NDUFAF6: variants seen among roughly 807,000 people sequenced by gnomAD.
NDUFAF6 encodes the protein NADH:ubiquinone oxidoreductase complex assembly factor 6.
A neutral mutation model predicts 40.8 loss-of-function variants in NDUFAF6; 45 were observed. The observed-to-expected ratio is 1.10, with a 90% CI of 0.87 to 1.42. The LOEUF (loss-of-function observed/expected upper bound fraction) is 1.42, where lower values mean the gene tolerates loss of function less well. Among genes scored for constraint, NDUFAF6 ranks in the 40% most tolerant of loss-of-function variants. The pLI is 0.00. For missense variants in NDUFAF6, 435 were observed against 418.5 expected (o/e 1.04, Z -0.34); for synonymous variants, 185 against 155.9 (o/e 1.19, Z -1.39).
chr8:95,028,310 A>G (rs1223605801), intron 1 of NDUFAF6, among the ~76,000 whole-genome samples: 1 of 152,232 alleles, frequency 6.6e-6, no homozygotes, highest in Non-Finnish European at 1.5e-5. Flanking sequence ...CATCCGTAAT[A>G]TGGCATTTCT....
At chr8:94,955,636 A>G (rs778040223), upstream of NDUFAF6, among the ~76,000 whole-genome samples, 3 of 152,266 alleles carry the variant, frequency 2.0e-5, no homozygotes, top group Admixed American at 6.5e-5. Flanking sequence ...CCCCAAATAG[A>G]TTAAAAGGAA....
Position 94,985,596 on chromosome 8 carries a change from T to C in NDUFAF6, c.-84+4623T>C, listed in dbSNP as rs576655603. On this transcript the variant is annotated intron_variant, in intron 2 of 9. Coordinates refer to the NDUFAF6 transcript ENST00000396111. ...TGTCGCCCAGGCTGGAGTGCAATGG[T>C]GCAATCTCAGCTCACTGCAACCTCC... is the stretch of plus-strand genomic sequence containing the variant. Among the ~76,000 whole-genome samples, 1,188 of 120,396 alleles carry C rather than the reference T, an allele frequency of 9.9e-3. 20 individuals are homozygous for C. The highest frequency in any genetic ancestry group is 0.036 in the African/African-American group (1,133 of 31,872). The allele number at this position is 120,396 out of a possible 152,430, so 79.0% of individuals were successfully genotyped here.
intron 2 of NDUFAF6, among the ~76,000 whole-genome samples, chr8:94,996,030 G>A (rs764955886): frequency 1.3e-5 from 2 of 152,070 alleles, no homozygotes; most frequent in African/African-American, 2.4e-5. Context: ...CATCCACCTC[G>A]GCCTCCCAAA....
At chr8:94,953,096 C>G (rs1204370765), upstream of NDUFAF6, among the ~76,000 whole-genome samples, 4 of 152,126 alleles carry the variant, frequency 2.6e-5, no homozygotes, top group African/African-American at 7.2e-5. Flanking sequence ...GCCTGTAATC[C>G]CAGCACTTTG....
chr8:94,960,448 C>G (rs181032104), intron 1 of NDUFAF6, among the ~76,000 whole-genome samples: 7 of 152,146 alleles, frequency 4.6e-5, no homozygotes, highest in Non-Finnish European at 1.0e-4. Context: ...TAAGTTCATC[C>G]GGTGGAAACT....
At chr8:94,930,262 T>TG in intron 1 of NDUFAF6, 1 of 579,050 alleles carries the variant, frequency 1.7e-6, no homozygotes, top group African/African-American at 1.9e-5. Context: ...AGAAATAATC[T>TG]GAAAAAGTGT....
chr8:95,035,577 G>C lies in NDUFAF6; in HGVS notation c.420+1G>C. ...GCCTGTGGCCATTGAACTATGGAAG[G>C]TAAAAAAAAAAAAATACCACTTTTA... On this transcript the variant is annotated splice_donor_variant, in intron 3 of 8. Transcript: ENST00000396124. LOFTEE classifies it high-confidence loss of function. The C allele has an allele frequency of 1.4e-6, 2 of 1,399,044 alleles. No homozygotes were observed. The highest frequency in any genetic ancestry group is 1.9e-6 in the Non-Finnish European group (2 of 1,063,230). 86.7% of individuals were successfully genotyped at this position (1,399,044 alleles called of 1,614,324 possible). A position where few individuals can be genotyped will look rare whatever the true frequency, so the allele number is the denominator to read the frequency against.
rs145293624 is a variant in NDUFAF6 at position 94,940,943 on chromosome 8, G to C, written c.-935-4540G>C. 7 of 1,609,848 alleles carry C rather than the reference G, an allele frequency of 4.3e-6. No individual in the cohort carries two copies. In the African/African-American group the frequency reaches 9.3e-5, roughly 21 times the overall value. On this transcript the variant is annotated intron_variant, in intron 1 of 14. Coordinates refer to the NDUFAF6 transcript ENST00000396113. ...CATTTTATTCAGCCTCTGGAACATT[G>C]TTAAGGCAAGACTGAGAGTTTGGCT...
At chr8:94,967,392 A>G (rs1440520990) in intron 1 of NDUFAF6, among the ~76,000 whole-genome samples, 2 of 152,226 alleles carry the variant, frequency 1.3e-5, no homozygotes, top group Non-Finnish European at 2.9e-5. Flanking sequence ...AAGACTGACC[A>G]TCTTCCTAGA....
chr8:94,907,167 AGTGAT>A (rs71999183), intron 1 of NDUFAF6, among the ~76,000 whole-genome samples: 11,275 of 152,262 alleles, frequency 0.074, 520 homozygotes, highest in African/African-American at 0.13. Flanking sequence ...TCTAGCCAGA[AGTGAT>A]GTCTTTCTCC....
At chr8:94,990,151 T>A (rs1031632562) in intron 2 of NDUFAF6, among the ~76,000 whole-genome samples, 1 of 152,240 alleles carries the variant, frequency 6.6e-6, no homozygotes, top group Admixed American at 6.5e-5. Context: ...AGGCTTGGTC[T>A]AGTCATGCCA....
At chr8:95,052,110 C>G (rs1587158876) in intron 7 of NDUFAF6, 64 bp from the exon 8 acceptor site, 14 of 1,494,308 alleles carry the variant, frequency 9.4e-6, no homozygotes, top group Non-Finnish European at 1.3e-5. Flanking sequence ...GCTGGTGTTG[C>G]TTTCAGAGGG....
chr8:95,012,299 C>T (rs1190563293), intron 2 of NDUFAF6, among the ~76,000 whole-genome samples: 1 of 152,126 alleles, frequency 6.6e-6, no homozygotes, highest in Non-Finnish European at 1.5e-5. Context: ...GGGCTCTTAA[C>T]TCTTTTCTGC....
At chr8:94,937,870 T>C (rs972002393) in intron 1 of NDUFAF6, among the ~76,000 whole-genome samples, 1 of 152,210 alleles carries the variant, frequency 6.6e-6, no homozygotes. Context: ...ATTTTGTACC[T>C]ATGTCACCTT....
chr8:95,075,632 G>A, intron 9 of NDUFAF6: 6 of 1,288,422 alleles, frequency 4.7e-6, no homozygotes, highest in Non-Finnish European at 6.1e-6. Flanking sequence ...CCTCTCTGCA[G>A]GAAATTAAGG....
chr8:94,969,929 T>C (rs1824319385), intron 1 of NDUFAF6, among the ~76,000 whole-genome samples: 1 of 152,004 alleles, frequency 6.6e-6, no homozygotes, highest in Non-Finnish European at 1.5e-5. Context: ...TAAAGAAAAC[T>C]GGCACCATTA....
chr8:94,986,683 G>A (rs1040797699), intron 2 of NDUFAF6, among the ~76,000 whole-genome samples: 1 of 152,176 alleles, frequency 6.6e-6, no homozygotes, highest in Non-Finnish European at 1.5e-5. Flanking sequence ...AGATGAGGAA[G>A]GCTTTGTCTT....
intron 2 of NDUFAF6, among the ~76,000 whole-genome samples, chr8:94,981,819 A>G (rs1825466817): frequency 6.6e-6 from 1 of 151,942 alleles, no homozygotes; most frequent in African/African-American, 2.4e-5. Context: ...ACACTGCATA[A>G]TGACATTTTG....
Position 95,046,060 on chromosome 8 carries a change from T to A in NDUFAF6, c.580+413T>A, listed in dbSNP as rs184960519. On this transcript the variant is annotated intron_variant, in intron 5 of 8. Transcript: ENST00000396124. ...TATTTTATTTTATTTTATTTTATTT[T>A]ATTTATTTTATTTTATTTTATGATG... Among the ~76,000 whole-genome samples, 268 of 150,386 alleles carry A rather than the reference T, an allele frequency of 1.8e-3. 3 individuals are homozygous for A. Among genetic ancestry groups the A allele is most frequent in the Admixed American group, 0.016 (244 of 15,182 alleles).
Sources: gnomAD v4.1 joint callset for allele counts (sites outside exome capture counted in the v4.1 genomes callset) on GRCh38, gnomAD v4.1.1 for gene constraint, MANE v1.5 for transcripts, NCBI Gene and HGNC (gene_info 2026-07-23, HGNC 2026-07-21) for gene names.